MARCHF1: variants seen among roughly 807,000 people sequenced by gnomAD.
MARCHF1 encodes the protein membrane associated ring-CH-type finger 1, also known as E3 ubiquitin-protein ligase MARCHF1.
Under a neutral mutation model 54.2 loss-of-function variants are expected in MARCHF1, and 40 were observed. The ratio of observed to expected loss-of-function variants is 0.74; its 90% CI spans 0.57 to 0.96. The LOEUF (loss-of-function observed/expected upper bound fraction) is 0.96, where lower values mean the gene tolerates loss of function less well. Ranked by LOEUF, MARCHF1 falls within the 40% of genes least tolerant of loss-of-function variation. MARCHF1 has a pLI of 0.00. For synonymous variants in MARCHF1, 236 were observed against 236.3 expected, an observed-to-expected ratio of 1.00 and a Z score of 0.01; for missense variants, 586 against 656.5, an observed-to-expected ratio of 0.89 and a Z score of 1.17.
chr4:163,916,112 T>C lies in MARCHF1; in HGVS notation c.-38-61943A>G, dbSNP rs557621029. Among the ~76,000 whole-genome samples, 17 of 152,274 alleles carry C rather than the reference T, an allele frequency of 1.1e-4. No homozygotes were observed. The South Asian group carries it at 1.4e-3, about 13-fold the overall frequency. On this transcript the variant is annotated intron_variant, in intron 3 of 9. Transcript: ENST00000514618. The stretch of plus-strand genomic sequence containing the variant: ...CCAGTGCATGGAACTTGGAGCCTGA[T>C]TGAATGCCAGTGATGAGGCAGGTTG...
intron 5 of MARCHF1, among the ~76,000 whole-genome samples, chr4:163,655,170 C>T (rs79396861): frequency 0.012 from 1,816 of 151,690 alleles, 40 homozygotes; most frequent in East Asian, 0.081. Flanking sequence ...ATTATTTTTG[C>T]TACTGTCTTA....
At chr4:164,356,775 A>C (rs1465926018) in intron 1 of MARCHF1, among the ~76,000 whole-genome samples, 2 of 98,306 alleles carry the variant, frequency 2.0e-5, no homozygotes, top group African/African-American at 3.3e-5. Context: ...AAAAAAAAAG[A>C]AAAGCAAAAA....
intron 5 of MARCHF1, among the ~76,000 whole-genome samples, chr4:163,677,522 C>T (rs759448077): frequency 1.3e-5 from 2 of 152,182 alleles, no homozygotes; most frequent in Non-Finnish European, 2.9e-5. Flanking sequence ...GCAATAAACA[C>T]ATTTCTCTTT....
intron 2 of MARCHF1, among the ~76,000 whole-genome samples, chr4:164,026,972 A>G (rs1184255640): frequency 6.6e-6 from 1 of 152,128 alleles, no homozygotes; most frequent in Non-Finnish European, 1.5e-5. Context: ...AATCAATAAT[A>G]TAATCCCATT....
At chr4:164,027,339 G>A (rs902390954) in intron 2 of MARCHF1, among the ~76,000 whole-genome samples, 6 of 82,726 alleles carry the variant, frequency 7.3e-5, no homozygotes, top group African/African-American at 2.6e-4. Flanking sequence ...TAAGCCTATA[G>A]TACCAAAACA....
At chr4:164,225,754 C>A (rs1732234297) in intron 1 of MARCHF1, among the ~76,000 whole-genome samples, 1 of 151,990 alleles carries the variant, frequency 6.6e-6, no homozygotes, top group Non-Finnish European at 1.5e-5. Flanking sequence ...CAAAATGGTA[C>A]AACCATGTTG....
At chr4:164,001,172 A>G (rs1198923144) in intron 2 of MARCHF1, among the ~76,000 whole-genome samples, 2 of 151,810 alleles carry the variant, frequency 1.3e-5, no homozygotes, top group Non-Finnish European at 3.0e-5. Context: ...CTTTAAATTA[A>G]TTCGAAAACC....
chr4:163,664,391 C>T (rs1207450016), intron 5 of MARCHF1, among the ~76,000 whole-genome samples: 1 of 152,048 alleles, frequency 6.6e-6, no homozygotes, highest in African/African-American at 2.4e-5. Context: ...AAAAAAAATT[C>T]TAAGGCAGAG....
chr4:164,308,445 T>C (rs1340635427), intron 1 of MARCHF1, among the ~76,000 whole-genome samples: 1 of 152,202 alleles, frequency 6.6e-6, no homozygotes, highest in East Asian at 1.9e-4. Flanking sequence ...CCTGGAGTTA[T>C]GATCTGTAAG....
intron 2 of MARCHF1, among the ~76,000 whole-genome samples, chr4:164,106,719 A>G (rs569951192): frequency 3.4e-5 from 5 of 148,780 alleles, no homozygotes; most frequent in Admixed American, 1.3e-4. Flanking sequence ...ATACATATGT[A>G]ACTAACCTGC....
At chr4:164,124,983 C>T (rs1437226033) in intron 1 of MARCHF1, among the ~76,000 whole-genome samples, 7 of 151,800 alleles carry the variant, frequency 4.6e-5, no homozygotes, top group Non-Finnish European at 1.0e-4. Flanking sequence ...GGATGGAGAC[C>T]CCATTCTCCA....
intron 1 of MARCHF1, among the ~76,000 whole-genome samples, chr4:164,307,914 G>C (rs1391522253): frequency 6.6e-6 from 1 of 152,146 alleles, no homozygotes; most frequent in Non-Finnish European, 1.5e-5. Context: ...GTTCAAAACT[G>C]TGGTGCTGTA....
chr4:164,259,544 CAAAA>C (rs141030578), intron 1 of MARCHF1, among the ~76,000 whole-genome samples: 3 of 58,956 alleles, frequency 5.1e-5, no homozygotes, highest in East Asian at 5.7e-4. Flanking sequence ...GACCGTGTCT[CAAAA>C]AAAAAAAAAA....
chr4:163,927,344 C>T (rs965740665), intron 3 of MARCHF1, among the ~76,000 whole-genome samples: 3 of 151,678 alleles, frequency 2.0e-5, no homozygotes, highest in Non-Finnish European at 4.4e-5. Context: ...CTGGCACTAT[C>T]CTTGTAAGGA....
intron 1 of MARCHF1, among the ~76,000 whole-genome samples, chr4:164,199,685 G>GAT: frequency 2.6e-5 from 1 of 38,734 alleles, no homozygotes; most frequent in East Asian, 3.6e-4. Context: ...CACACACAGA[G>GAT]AGAGAGAGAG....
chr4:164,336,985 A>G (rs773081822), intron 1 of MARCHF1, among the ~76,000 whole-genome samples: 2 of 152,064 alleles, frequency 1.3e-5, no homozygotes, highest in Non-Finnish European at 2.9e-5. Context: ...GAAAAGAAAG[A>G]AAGGAAGGAA....
chr4:164,176,674 C>T (rs1051398538), intron 1 of MARCHF1, among the ~76,000 whole-genome samples: 1 of 151,960 alleles, frequency 6.6e-6, no homozygotes, highest in East Asian at 1.9e-4. Flanking sequence ...TAGAGATAGT[C>T]CATTTTTGTG....
At chr4:163,670,400 A>G (rs1251117953) in intron 5 of MARCHF1, among the ~76,000 whole-genome samples, 1 of 151,220 alleles carries the variant, frequency 6.6e-6, no homozygotes, top group Non-Finnish European at 1.5e-5. Context: ...CTATCTATCT[A>G]TCTATCTATC....
chr4:163,540,723 T>C (rs1293975982), intron 9 of MARCHF1, among the ~76,000 whole-genome samples: 1 of 152,174 alleles, frequency 6.6e-6, no homozygotes, highest in Admixed American at 6.5e-5. Context: ...GATTAATCAT[T>C]GTATTGAAGA....
Sources: gnomAD v4.1 joint callset for allele counts (sites outside exome capture counted in the v4.1 genomes callset) on GRCh38, gnomAD v4.1.1 for gene constraint, MANE v1.5 for transcripts, NCBI Gene and HGNC (gene_info 2026-07-23, HGNC 2026-07-21) for gene names.